Variants in CPM observed in about 807,000 individuals in gnomAD.
CPM encodes the protein carboxypeptidase M, also known as renal carboxypeptidase.
CPM carries 35 observed loss-of-function variants against 46.4 expected under a neutral mutation model. The observed-to-expected ratio is 0.75, with a 90% CI of 0.58 to 1.00. The LOEUF (loss-of-function observed/expected upper bound fraction) is 1.00, where lower values mean the gene tolerates loss of function less well. Among genes scored for constraint, CPM ranks in the 50% least tolerant of loss-of-function variants. CPM has a pLI of 0.00. For missense variants in CPM, 422 were observed against 530.4 expected, an observed-to-expected ratio of 0.80 and a Z score of 2.01; for synonymous variants, 195 against 195.3, an observed-to-expected ratio of 1.00 and a Z score of 0.01.
At chr12:68,881,727 CTTT>C (rs11327074) in intron 3 of CPM, among the ~76,000 whole-genome samples, 1 of 137,520 alleles carries the variant, frequency 7.3e-6, no homozygotes, top group Non-Finnish European at 1.6e-5. Flanking sequence ...ATTTTTTTTT[CTTT>C]TTTTTTTTTT....
At position 68,858,921 on chromosome 12, in the gene CPM, ACATTTAT is replaced by A. The variant is rs1264876404; in HGVS notation, c.1084_1089+1del. 9.0e-6 allele frequency: 13 copies of A among 1,451,346 alleles called. No homozygotes were observed. The South Asian group carries it at 2.0e-4, about 23-fold the overall frequency. The allele number at this position is 1,451,346 out of a possible 1,614,324, so 89.9% of individuals were successfully genotyped here. On this transcript the variant is annotated splice_donor_variant and coding_sequence_variant, in exon 8 of 9. Transcript: ENST00000551568. LOFTEE classifies it high-confidence loss of function. The stretch of plus-strand genomic sequence containing the variant: ...TAACAATAACTAGCATTGCATACTT[ACATTTAT>A]TATATAAGACCCAGGCAAGAGAAGG...
At chr12:68,958,301 CCCA>C (rs1469309611) in intron 1 of CPM, among the ~76,000 whole-genome samples, 9 of 152,288 alleles carry the variant, frequency 5.9e-5, no homozygotes, top group Admixed American at 1.3e-4. Flanking sequence ...AATTTACACT[CCCA>C]CCAACAGTAT....
chr12:68,887,622 T>C (rs564872903), intron 2 of CPM, among the ~76,000 whole-genome samples: 65 of 152,320 alleles, frequency 4.3e-4, no homozygotes, highest in African/African-American at 1.5e-3. Flanking sequence ...ATTTAATGAA[T>C]ACTACTATAT....
At chr12:68,867,122 C>A (rs1885488357) in intron 6 of CPM, 74 bp from the exon 7 acceptor site, 1 of 1,421,614 alleles carries the variant, frequency 7.0e-7, no homozygotes, top group Non-Finnish European at 9.9e-7. Flanking sequence ...GCCTCGGGGA[C>A]AAATGAATCA....
At chr12:68,917,980 A>T (rs1245407950) in intron 2 of CPM, among the ~76,000 whole-genome samples, 1 of 152,184 alleles carries the variant, frequency 6.6e-6, no homozygotes, top group African/African-American at 2.4e-5. Flanking sequence ...TTGCCACCAT[A>T]TATCTGTATC....
rs759233029 is a variant in CPM at position 68,891,222 on chromosome 12, T to C, written c.161-5333A>G. ...CTATACCCCACACACAAGAAGTTTA[T>C]CACATATGGCACGCAAAGCCCACAT... On this transcript the variant is annotated intron_variant, in intron 2 of 8. Coordinates refer to ENST00000551568, the MANE Select transcript of CPM (RefSeq NM_198320.5). Among the ~76,000 whole-genome samples the C allele has an allele frequency of 2.6e-5, 4 of 152,320 alleles. No individual in the cohort carries two copies. In the East Asian group the frequency reaches 7.7e-4, roughly 29 times the overall value.
chr12:68,953,238 GTT>G (rs1361773370), intron 1 of CPM, among the ~76,000 whole-genome samples: 1 of 151,690 alleles, frequency 6.6e-6, no homozygotes. Flanking sequence ...CAGCAGGTAT[GTT>G]TTTTCTCTCT....
rs74099470 is a variant in CPM, at chr12:68,914,013, T to C, written c.160+18665A>G. 1,074 of 716,092 alleles carry C rather than the reference T, an allele frequency of 1.5e-3. 10 individuals are homozygous for C. In the African/African-American group the frequency reaches 0.017, roughly 11 times the overall value. 44.4% of individuals were successfully genotyped at this position (716,092 alleles called of 1,614,324 possible). A position where few individuals can be genotyped will look rare whatever the true frequency, so the allele number is the denominator to read the frequency against. On this transcript the variant is annotated intron_variant, in intron 2 of 8. Transcript: ENST00000551568. ...TATTATCAAAGAAAACCTCAAGGAC[T>C]GCGGCCTCTTCAAATCCTCACTATT...
At chr12:68,891,737 GT>G (rs369026572) in intron 2 of CPM, among the ~76,000 whole-genome samples, 13 of 150,970 alleles carry the variant, frequency 8.6e-5, no homozygotes, top group African/African-American at 1.2e-4. Flanking sequence ...GTTTTTTTGG[GT>G]TTTTTTTTGA....
chr12:68,866,479 G>A (rs1885451293), intron 7 of CPM, among the ~76,000 whole-genome samples: 1 of 152,184 alleles, frequency 6.6e-6, no homozygotes, highest in Admixed American at 6.5e-5. Flanking sequence ...AAGTAACTGG[G>A]ACTACAGGCG....
At chr12:68,917,926 C>T (rs1887877983) in intron 2 of CPM, among the ~76,000 whole-genome samples, 1 of 152,120 alleles carries the variant, frequency 6.6e-6, no homozygotes, top group Non-Finnish European at 1.5e-5. Context: ...ATGTGGAATC[C>T]CTACAGAGAG....
upstream of CPM, among the ~76,000 whole-genome samples, chr12:68,935,035 G>A (rs1230385896): frequency 1.3e-5 from 2 of 151,874 alleles, no homozygotes; most frequent in Non-Finnish European, 2.9e-5. Flanking sequence ...TCAGCCTACC[G>A]AGTAGCTCGG....
At chr12:68,941,998 G>A (rs978042814) in intron 1 of CPM, among the ~76,000 whole-genome samples, 2 of 152,214 alleles carry the variant, frequency 1.3e-5, no homozygotes, top group Non-Finnish European at 2.9e-5. Context: ...AAACTACCAC[G>A]GGTGATGTCT....
At chr12:68,943,373 TC>T (rs1381722776) in intron 1 of CPM, among the ~76,000 whole-genome samples, 3 of 152,178 alleles carry the variant, frequency 2.0e-5, no homozygotes, top group Non-Finnish European at 2.9e-5. Flanking sequence ...GCTTTATAAG[TC>T]CCAAGCTGAA....
chr12:68,886,096 A>T (rs567617482), intron 2 of CPM, among the ~76,000 whole-genome samples: 1 of 152,258 alleles, frequency 6.6e-6, no homozygotes, highest in African/African-American at 2.4e-5. Context: ...ATTCAGCACA[A>T]ATATTTCACT....
intron 2 of CPM, among the ~76,000 whole-genome samples, chr12:68,895,699 G>A (rs1440167396): frequency 6.6e-6 from 1 of 152,124 alleles, no homozygotes; most frequent in Non-Finnish European, 1.5e-5. Flanking sequence ...TGTGTTTTAG[G>A]CCAGACACAG....
chr12:68,917,876 G>T (rs1887875342), intron 2 of CPM, among the ~76,000 whole-genome samples: 1 of 152,104 alleles, frequency 6.6e-6, no homozygotes, highest in African/African-American at 2.4e-5. Context: ...ATATGTCTCT[G>T]CAGTTTACAG....
rs1324538499 is a variant in CPM at position 68,853,377 on chromosome 12, C to G, written c.*3060G>C. On this transcript the variant is annotated 3_prime_UTR_variant, in exon 9 of 9. Coordinates refer to ENST00000551568, the MANE Select transcript of CPM (RefSeq NM_198320.5). ...TACTGCTTCTTTAAATACAAATGAT[C>G]AAGATATTCAGATTATTATGAGTTT... The G allele has an allele frequency of 6.6e-6, 1 of 152,086 alleles. No individual in the cohort carries two copies. The highest frequency in any genetic ancestry group is 2.4e-5 in the African/African-American group (1 of 41,414). The allele number at this position is 152,086 out of a possible 1,614,324, so 9.4% of individuals were successfully genotyped here.
At chr12:68,882,033 T>TG (rs1565778670) in intron 3 of CPM, among the ~76,000 whole-genome samples, 2 of 151,250 alleles carry the variant, frequency 1.3e-5, no homozygotes, top group East Asian at 1.9e-4. Flanking sequence ...GCTTTTTTTT[T>TG]TTTTTTTTTT....
Sources: allele counts gnomAD v4.1 joint callset (sites outside exome capture counted in the v4.1 genomes callset), GRCh38; gene constraint gnomAD v4.1.1; transcripts MANE v1.5; gene names NCBI Gene and HGNC (gene_info 2026-07-23, HGNC 2026-07-21).